The following YBEY variants were observed in gnomAD, a reference collection of about 807,000 sequenced individuals.
YBEY encodes ybeY metalloendoribonuclease.
Under a neutral mutation model 13.5 loss-of-function variants are expected in YBEY, and 15 were observed. The ratio of observed to expected loss-of-function variants is 1.11; its 90% CI spans 0.75 to 1.72. The LOEUF (loss-of-function observed/expected upper bound fraction) is 1.72, where lower values mean the gene tolerates loss of function less well. Among genes scored for constraint, YBEY ranks in the 40% most tolerant of loss-of-function variants. The pLI is 0.00. For missense variants in YBEY, 244 were observed against 208.4 expected (o/e 1.17, Z -1.05); for synonymous variants, 101 against 83.1 (o/e 1.21, Z -1.17).
intron 2 of YBEY, among the ~76,000 whole-genome samples, chr21:46,289,087 A>T (rs2081588948): frequency 6.6e-6 from 1 of 152,254 alleles, no homozygotes; most frequent in African/African-American, 2.4e-5. Flanking sequence ...ATCCAGCCAT[A>T]GGTGACTGGC....
intron 2 of YBEY, 33 bp downstream of exon 2, chr21:46,287,156 C>G (rs1268926985): frequency 2.5e-5 from 35 of 1,399,410 alleles, no homozygotes; most frequent in Non-Finnish European, 3.3e-5. Context: ...CTTGTCTAGC[C>G]CATCTTCCCA....
downstream of YBEY, among the ~76,000 whole-genome samples, chr21:46,299,750 G>GCCCCCCCCCCCCCCC (rs545785598): frequency 2.6e-4 from 38 of 147,236 alleles, no homozygotes; most frequent in African/African-American, 3.6e-4. Flanking sequence ...TGTGCCCTGA[G>GCCCCCCCCCCCCCCC]CCCCCCCCAC....
chr21:46,297,275 C>T (rs1351255585), intron 4 of YBEY, among the ~76,000 whole-genome samples: 1 of 144,280 alleles, frequency 6.9e-6, no homozygotes, highest in African/African-American at 2.5e-5. Flanking sequence ...CTTCCCTTCC[C>T]ACCTCCCATG....
At chr21:46,303,872 C>T in the YBEY span, among the ~76,000 whole-genome samples, 14 of 147,694 alleles carry the variant, frequency 9.5e-5, no homozygotes, top group Admixed American at 6.8e-4. Context: ...CTGCCTCAGC[C>T]TCCTGAGTAG....
downstream of YBEY, among the ~76,000 whole-genome samples, chr21:46,298,488 G>T (rs1413099707): frequency 7.7e-6 from 1 of 129,794 alleles, no homozygotes; most frequent in African/African-American, 2.8e-5. Context: ...GAGTGCAGTG[G>T]TGCGATCTCG....
downstream of YBEY, chr21:46,302,214 C>T (rs1327281326): frequency 1.2e-5 from 17 of 1,433,716 alleles, no homozygotes; most frequent in Admixed American, 5.7e-5. Flanking sequence ...CCTCCACTCC[C>T]GCCCTGTTCC....
the YBEY span, among the ~76,000 whole-genome samples, chr21:46,312,133 A>C: frequency 6.6e-6 from 1 of 152,078 alleles, no homozygotes; most frequent in South Asian, 2.1e-4. Context: ...TCATCCATCC[A>C]AGGAGAACTT....
intron 2 of YBEY, among the ~76,000 whole-genome samples, chr21:46,287,494 C>T: frequency 6.6e-6 from 1 of 152,156 alleles, no homozygotes; most frequent in East Asian, 1.9e-4. Flanking sequence ...AGCCAGAGCA[C>T]CCGGCCTAAA....
chr21:46,297,742 A>G lies in YBEY; in HGVS notation c.*108A>G. 8.0e-7 allele frequency: 1 copy of G among 1,248,204 alleles called. No individual in the cohort carries two copies. The highest frequency in any genetic ancestry group is 1.0e-6 in the Non-Finnish European group (1 of 990,026). The allele number at this position is 1,248,204 out of a possible 1,614,324, so 77.3% of individuals were successfully genotyped here. On this transcript the variant is annotated 3_prime_UTR_variant, in exon 5 of 5. Transcript: ENST00000397701. The stretch of plus-strand genomic sequence containing the variant: ...GAACGTACGAGGGGAACCTCCTCTT[A>G]TTTCCTTCACGTTGCATCGGGTATT...
intron 3 of YBEY, among the ~76,000 whole-genome samples, chr21:46,294,991 G>A (rs971052026): frequency 7.9e-5 from 12 of 152,128 alleles, no homozygotes; most frequent in South Asian, 2.1e-4. Flanking sequence ...GGACTTGCCC[G>A]CCATGCACAC....
At chr21:46,301,160 G>C, downstream of YBEY, 2 of 264,600 alleles carry the variant, frequency 7.6e-6, no homozygotes, top group Non-Finnish European at 1.1e-5. Flanking sequence ...TTTTATTTTT[G>C]AGACAGGGGC....
the YBEY span, among the ~76,000 whole-genome samples, chr21:46,305,017 A>G: frequency 2.0e-5 from 3 of 152,228 alleles, no homozygotes; most frequent in African/African-American, 7.2e-5. Flanking sequence ...TCATAGAAAC[A>G]GAACACAGGA....
chr21:46,289,668 G>A (rs1191628240), intron 2 of YBEY, among the ~76,000 whole-genome samples: 1 of 151,732 alleles, frequency 6.6e-6, no homozygotes, highest in Non-Finnish European at 1.5e-5. Context: ...TGGCCAAGCT[G>A]GTCTAGAACT....
At chr21:46,310,177 A>G in the YBEY span, among the ~76,000 whole-genome samples, 1 of 152,028 alleles carries the variant, frequency 6.6e-6, no homozygotes, top group Admixed American at 6.5e-5. Context: ...TGTTATATGT[A>G]TATGTTAAAA....
chr21:46,306,548 C>T, the YBEY span, among the ~76,000 whole-genome samples: 1 of 152,168 alleles, frequency 6.6e-6, no homozygotes, highest in African/African-American at 2.4e-5. Context: ...TACAAACTCC[C>T]TCAGTATCTA....
At chr21:46,303,708 A>AT in the YBEY span, among the ~76,000 whole-genome samples, 10 of 37,212 alleles carry the variant, frequency 2.7e-4, no homozygotes, top group South Asian at 1.3e-3. Context: ...ACACACACAA[A>AT]ATATATATAT....
downstream of YBEY, among the ~76,000 whole-genome samples, chr21:46,299,047 CTTTTTTTT>C (rs58361649): frequency 3.5e-4 from 38 of 108,854 alleles, no homozygotes; most frequent in African/African-American, 6.3e-4. Context: ...TTCTTTCTTT[CTTTTTTTT>C]TTTTTTTTTG....
chr21:46,297,080 C>T (rs1339527156), intron 4 of YBEY, among the ~76,000 whole-genome samples: 1 of 151,852 alleles, frequency 6.6e-6, no homozygotes, highest in East Asian at 1.9e-4. Context: ...GGGTGGATCA[C>T]TTGAGGTCAG....
the YBEY span, among the ~76,000 whole-genome samples, chr21:46,305,927 G>C: frequency 1.3e-5 from 2 of 150,752 alleles, no homozygotes; most frequent in African/African-American, 2.4e-5. Flanking sequence ...GGCAGACAGC[G>C]AGACTCCGTC....
Sources: gnomAD v4.1 joint callset for allele counts (sites outside exome capture counted in the v4.1 genomes callset) on GRCh38, gnomAD v4.1.1 for gene constraint, MANE v1.5 for transcripts, NCBI Gene and HGNC (gene_info 2026-07-23, HGNC 2026-07-21) for gene names.